AAAS: variants seen among roughly 807,000 people sequenced by gnomAD.
The protein encoded by AAAS is aladin WD repeat nucleoporin, also known as aladin.
Under a neutral mutation model 75.6 loss-of-function variants are expected in AAAS, and 60 were observed. The ratio of observed to expected loss-of-function variants is 0.79; its 90% confidence interval spans 0.64 to 0.98. The LOEUF is 0.98. Ranked by LOEUF, AAAS falls within the 50% of genes least tolerant of loss-of-function variation. AAAS has a pLI of 0.00. For missense variants in AAAS, 658 were observed against 686.9 expected (o/e 0.96, Z 0.47); for synonymous variants, 271 against 265.0 (o/e 1.02, Z -0.22).
At chr12:53,319,826 GAA>G (rs1236644758) in intron 2 of AAAS, among the ~76,000 whole-genome samples, 1 of 17,074 alleles carries the variant, frequency 5.9e-5, no homozygotes. Context: ...AAAAAAAAAA[GAA>G]AAAGAAAATG....
intron 4 of AAAS, 36 bp from the exon 5 acceptor site, chr12:53,315,176 C>A: frequency 2.5e-6 from 4 of 1,612,834 alleles, no homozygotes; most frequent in Non-Finnish European, 3.4e-6. Context: ...CACACTGGGG[C>A]AAAAGGAGTC....
Position 53,309,186 on chromosome 12 carries a change from G to A in AAAS, c.906C>T (p.Ile302=). The change falls in exon 9 of 16, where the codon ATC becomes ATT. Residue 302 remains isoleucine, a synonymous_variant. Transcript: ENST00000209873. The stretch of plus-strand genomic sequence containing the variant: ...AGACAGCTGAAGGAGTGGTAGCCAG[G>A]ATTTTGCTGCCGTCTGGGGACCAGA... ...NLLWSPDGSK[I]LATTPSAVFR... The A allele has an allele frequency of 1.2e-6, 2 of 1,614,176 alleles. No homozygotes were observed. The highest frequency in any genetic ancestry group is 1.7e-6 in the Non-Finnish European group (2 of 1,180,028).
At chr12:53,309,745 GGA>G in intron 7 of AAAS, 24 bp from the exon 8 acceptor site, 1 of 1,610,904 alleles carries the variant, frequency 6.2e-7, no homozygotes, top group South Asian at 1.1e-5. Flanking sequence ...CAGAGGATGT[GGA>G]GTCAGAAGAT....
At position 53,307,671 on chromosome 12, in the gene AAAS, CAA is replaced by C; in HGVS notation, c.1457_1458del (p.Phe486CysfsTer9). 6.2e-7 allele frequency: 1 copy of C among 1,614,166 alleles called. No individual in the cohort carries two copies. The highest frequency in any genetic ancestry group is 8.5e-7 in the Non-Finnish European group (1 of 1,180,042). ...CTAAAACGTGGAAACTGGGCATTGACAAAGTACAGCGGGATGTGGGCAATTCG... is the reference window on the plus strand; with the variant it reads ...CTAAAACGTGGAAACTGGGCATTGACAGTACAGCGGGATGTGGGCAATTCG... The part of the protein sequence containing the change: ...TGRIAHIPLY[F>X]VNAQFPRFSP... On this transcript the variant is annotated frameshift_variant, in exon 16 of 16. Transcript: ENST00000209873. LOFTEE classifies it high-confidence loss of function.
chr12:53,318,476 G>A (rs10783571), intron 2 of AAAS, among the ~76,000 whole-genome samples: 136,930 of 152,060 alleles, frequency 0.9, 62,954 homozygotes, highest in Non-Finnish European at 0.98. Flanking sequence ...GCCTCCCAAA[G>A]TGCTGGGATT....
At chr12:53,316,764 C>CAAA (rs34520642) in intron 2 of AAAS, among the ~76,000 whole-genome samples, 580 of 76,432 alleles carry the variant, frequency 7.6e-3, no homozygotes, top group Middle Eastern at 0.011. Context: ...CCATCTCAGA[C>CAAA]AAAAAAAAAA....
In AAAS at chr12:53,309,668, G is replaced by A. The variant is rs531162621; in HGVS notation, c.743C>T (p.Thr248Ile). The change falls in exon 8 of 16, where the codon ACC becomes ATC. Residue 248 changes from threonine (T) to isoleucine (I), a missense_variant. By Grantham distance (89) the Thr-to-Ile change is moderately conservative. Coordinates refer to ENST00000209873, the MANE Select transcript of AAAS (RefSeq NM_015665.6). ...VLSHPGHTPV[T>I]SLAWAPSGGR... ...CCCACTGGGGGCCCAGGCCAAGCTG[G>A]TAACAGGTGTATGCCCAGGGTGAGA... is the stretch of plus-strand genomic sequence containing the variant. The A allele has an allele frequency of 5.8e-5, 94 of 1,613,376 alleles. No individual in the cohort carries two copies. Among genetic ancestry groups the A allele is most frequent in the Middle Eastern group, 1.6e-4 (1 of 6,084 alleles).
intron 7 of AAAS, chr12:53,310,003 C>A (rs1403226969): frequency 1.2e-5 from 6 of 505,742 alleles, no homozygotes; most frequent in Non-Finnish European, 2.1e-5. Context: ...TGAGGCAAAA[C>A]CTAACCAGTA....
At chr12:53,309,527 A>G (rs530048282) in intron 8 of AAAS, 74 bp downstream of exon 8, 3 of 1,609,938 alleles carry the variant, frequency 1.9e-6, no homozygotes, top group Admixed American at 1.7e-5. Context: ...CCTTCCCCCA[A>G]GATGTTTCCA....
intron 7 of AAAS, among the ~76,000 whole-genome samples, chr12:53,314,091 T>G (rs939750676): frequency 1.2e-4 from 19 of 152,108 alleles, no homozygotes; most frequent in Non-Finnish European, 5.9e-5. Flanking sequence ...ACAGACACAT[T>G]GTCCCCACAA....
chr12:53,307,698 G>A lies in AAAS; in HGVS notation c.1432C>T (p.Arg478Ter), dbSNP rs121918548. ...AAGTACAGCGGGATGTGGGCAATTC[G>A]GCCTGTGGACCAGCCCTGCAGAGAA... ...ALLSVGWSTGRIAHIPLYFVN... is the reference protein window; with the variant it reads ...ALLSVGWSTG Residue 478 changes from arginine (R) to a stop codon, truncating the protein, a stop_gained, in exon 16 of 16, where the codon CGA becomes TGA. Coordinates refer to ENST00000209873, the MANE Select transcript of AAAS (RefSeq NM_015665.6). LOFTEE classifies it high-confidence loss of function. 35 of 1,613,950 alleles carry A rather than the reference G, an allele frequency of 2.2e-5. No homozygotes were observed. Among genetic ancestry groups the A allele is most frequent in the African/African-American group, 1.3e-4 (10 of 74,906 alleles).
At chr12:53,316,179 T>C (rs1045258082) in intron 2 of AAAS, among the ~76,000 whole-genome samples, 8 of 152,174 alleles carry the variant, frequency 5.3e-5, no homozygotes, top group Non-Finnish European at 7.3e-5. Flanking sequence ...AGGCTGGCTG[T>C]GGTGGCTCAC....
intron 3 of AAAS, 52 bp downstream of exon 3, chr12:53,315,675 T>C: frequency 6.3e-7 from 1 of 1,597,486 alleles, no homozygotes; most frequent in South Asian, 1.1e-5. Context: ...TTCAAGAATA[T>C]GGAGAGGAGA....
chr12:53,317,679 T>C (rs1262610105), intron 2 of AAAS, among the ~76,000 whole-genome samples: 1 of 151,502 alleles, frequency 6.6e-6, no homozygotes, highest in Non-Finnish European at 1.5e-5. Flanking sequence ...GAGGCGGAGG[T>C]TGCAGCGAGC....
Position 53,314,775 on chromosome 12 carries a change from G to A in AAAS, c.521C>T (p.Ser174Leu). The A allele has an allele frequency of 1.2e-6, 2 of 1,613,776 alleles. No individual in the cohort carries two copies. The highest frequency in any genetic ancestry group is 2.2e-5 in the South Asian group (2 of 91,010). Residue 174 changes from serine (S) to leucine (L), a missense_variant, in exon 6 of 16, where the codon TCA becomes TTA. Coordinates refer to ENST00000209873, the MANE Select transcript of AAAS (RefSeq NM_015665.6). ...CCTGCTGGCATTATACACACGGACT[G>A]AGTCATCTAGCAGGGCCACTGCAAA... ...NKFAVALLDDSVRVYNASSTI... is the reference protein window; with the variant it reads ...NKFAVALLDDLVRVYNASSTI...
In AAAS at chr12:53,307,601, C is replaced by T. The variant is rs1441154711; in HGVS notation, c.1529G>A (p.Gly510Asp). The T allele has an allele frequency of 6.2e-7, 1 of 1,614,142 alleles. No individual in the cohort carries two copies. The highest frequency in any genetic ancestry group is 1.7e-5 in the Admixed American group (1 of 60,028). ...RAQEPPAGGG[G>D]SIHDLPLFTE... ...AAAGAGGGGCAGGTCATGAATAGAG[C>T]CTCCACCCCCAGCAGGGGGTTCCTG... The change falls in exon 16 of 16, where the codon GGC (glycine) becomes GAC (aspartate). Residue 510 changes from glycine (G) to aspartate (D), a missense_variant. By Grantham distance (94) the Gly-to-Asp change is moderately conservative. Coordinates refer to ENST00000209873, the MANE Select transcript of AAAS (RefSeq NM_015665.6).
chr12:53,308,731 G>A lies in AAAS; in HGVS notation c.1081C>T (p.Arg361Cys), dbSNP rs371201046. Residue 361 changes from arginine (R) to cysteine (C), a missense_variant, in exon 11 of 16, where the codon CGT (arginine) becomes TGT (cysteine). Physicochemically the swap from Arg to Cys is radical, Grantham distance 180. Transcript: ENST00000209873. ...AAGTGTTGCCCTAACTCACCACAAC[G>A]TTCTGGAAAAGACAGGGAGTAAATC... ...PLIYSLSFPE[R>C]CGEGKGCVGG... 6.2e-6 allele frequency: 10 copies of A among 1,613,988 alleles called. No individual in the cohort carries two copies. Among genetic ancestry groups the A allele is most frequent in the East Asian group, 2.2e-5 (1 of 44,898 alleles).
intron 2 of AAAS, 128 bp downstream of exon 2, chr12:53,320,437 G>C (rs1944534957): frequency 7.7e-7 from 1 of 1,303,058 alleles, no homozygotes; most frequent in African/African-American, 1.5e-5. Flanking sequence ...ATATGATTTA[G>C]GATATACAGC....
intron 1 of AAAS, 61 bp from the exon 2 acceptor site, chr12:53,320,753 G>A: frequency 1.9e-6 from 3 of 1,595,324 alleles, no homozygotes; most frequent in Non-Finnish European, 8.6e-7. Flanking sequence ...CTTTAATTCC[G>A]TGCCATCTCC....
Sources: gnomAD v4.1 joint callset for allele counts (sites outside exome capture counted in the v4.1 genomes callset) on GRCh38, gnomAD v4.1.1 for gene constraint, MANE v1.5 for transcripts, NCBI Gene and HGNC (gene_info 2026-07-23, HGNC 2026-07-21) for gene names.